CFAP90: variants seen among roughly 807,000 people sequenced by gnomAD.
CFAP90 encodes the protein cilia and flagella associated protein 90, also known as cilia- and flagella-associated protein 90.
chr5:7,837,228 A>G, the CFAP90 span, among the ~76,000 whole-genome samples: 1 of 152,180 alleles, frequency 6.6e-6, no homozygotes, highest in African/African-American at 2.4e-5. Flanking sequence ...TTTTCTGAGT[A>G]CAAAAGAAAA....
the CFAP90 span, among the ~76,000 whole-genome samples, chr5:7,842,943 G>A: frequency 7.9e-5 from 12 of 152,260 alleles, no homozygotes; most frequent in South Asian, 6.2e-4. Context: ...GCACACCGGC[G>A]GTTAAGACTT....
the CFAP90 span, among the ~76,000 whole-genome samples, chr5:7,838,286 T>G: frequency 6.6e-6 from 1 of 151,976 alleles, no homozygotes; most frequent in Non-Finnish European, 1.5e-5. Flanking sequence ...TCACTTTGAC[T>G]ACATACAAAT....
the CFAP90 span, among the ~76,000 whole-genome samples, chr5:7,833,327 A>C: frequency 6.6e-6 from 1 of 152,062 alleles, no homozygotes; most frequent in Non-Finnish European, 1.5e-5. Context: ...ACATGCATAC[A>C]ATATACACAC....
At chr5:7,832,833 C>A in the CFAP90 span, among the ~76,000 whole-genome samples, 1 of 152,334 alleles carries the variant, frequency 6.6e-6, no homozygotes, top group Non-Finnish European at 1.5e-5. Flanking sequence ...AATGGCAGCT[C>A]TGAGAGGGCT....
the CFAP90 span, chr5:7,830,875 A>T: frequency 6.6e-6 from 1 of 152,190 alleles, no homozygotes; most frequent in Non-Finnish European, 1.5e-5. Flanking sequence ...ATTATCTCCA[A>T]AGTAAGTATT....
At chr5:7,840,845 G>A in the CFAP90 span, among the ~76,000 whole-genome samples, 1 of 152,180 alleles carries the variant, frequency 6.6e-6, no homozygotes, top group African/African-American at 2.4e-5. Flanking sequence ...ATTTGGACAT[G>A]AACATTCAGA....
the CFAP90 span, among the ~76,000 whole-genome samples, chr5:7,836,551 A>C: frequency 6.6e-6 from 1 of 152,170 alleles, no homozygotes; most frequent in Non-Finnish European, 1.5e-5. Flanking sequence ...CATACGAGAA[A>C]GGAAGATGGG....
At chr5:7,839,142 G>A in the CFAP90 span, among the ~76,000 whole-genome samples, 4 of 152,212 alleles carry the variant, frequency 2.6e-5, no homozygotes, top group Admixed American at 2.0e-4. Context: ...CAGATCTCAT[G>A]AGACTCATTC....
At chr5:7,831,938 C>T in the CFAP90 span, 63 of 1,614,142 alleles carry the variant, frequency 3.9e-5, no homozygotes, top group Middle Eastern at 3.3e-4. Context: ...ATGGTTGGCA[C>T]GGCCAAAGTC....
At chr5:7,838,869 G>T in the CFAP90 span, among the ~76,000 whole-genome samples, 8 of 152,206 alleles carry the variant, frequency 5.3e-5, no homozygotes, top group South Asian at 8.3e-4. Flanking sequence ...AAGTGGTGTT[G>T]TCTGGTGGCC....
At chr5:7,844,248 A>C in the CFAP90 span, among the ~76,000 whole-genome samples, 2 of 152,224 alleles carry the variant, frequency 1.3e-5, no homozygotes, top group Admixed American at 1.3e-4. Context: ...AGTAGAGAAG[A>C]AACTATAGCC....
the CFAP90 span, chr5:7,850,815 GCC>G: frequency 5.8e-6 from 7 of 1,209,068 alleles, no homozygotes; most frequent in East Asian, 2.0e-4. Flanking sequence ...CAGCCGCCCA[GCC>G]GCCCAGCCGC....
chr5:7,842,821 A>G, the CFAP90 span, among the ~76,000 whole-genome samples: 1 of 152,140 alleles, frequency 6.6e-6, no homozygotes, highest in Non-Finnish European at 1.5e-5. Flanking sequence ...GTATTTGATG[A>G]TTTCTGTGGT....
At chr5:7,840,454 A>G in the CFAP90 span, among the ~76,000 whole-genome samples, 1 of 152,226 alleles carries the variant, frequency 6.6e-6, no homozygotes, top group Non-Finnish European at 1.5e-5. Flanking sequence ...ACAGACTGAG[A>G]AGAGAAATTA....
the CFAP90 span, among the ~76,000 whole-genome samples, chr5:7,839,888 C>T: frequency 6.6e-6 from 1 of 152,204 alleles, no homozygotes. Flanking sequence ...CAGGCAGCCT[C>T]GCTTTGAAAT....
the CFAP90 span, among the ~76,000 whole-genome samples, chr5:7,841,038 C>T: frequency 8.4e-4 from 128 of 152,228 alleles, no homozygotes; most frequent in Middle Eastern, 3.4e-3. Context: ...AAAGAAACTA[C>T]GAACTGCATA....
the CFAP90 span, among the ~76,000 whole-genome samples, chr5:7,838,936 G>A: frequency 6.6e-6 from 1 of 152,156 alleles, no homozygotes; most frequent in Non-Finnish European, 1.5e-5. Context: ...CAGTGTATTA[G>A]TCTGTTTTCA....
At chr5:7,832,017 G>C in the CFAP90 span, 6 of 1,609,556 alleles carry the variant, frequency 3.7e-6, no homozygotes, top group Admixed American at 1.0e-4. Flanking sequence ...ACTCCAACCG[G>C]CCTCTCCTGT....
the CFAP90 span, among the ~76,000 whole-genome samples, chr5:7,843,744 G>A: frequency 1.3e-5 from 2 of 152,166 alleles, no homozygotes; most frequent in African/African-American, 4.8e-5. Flanking sequence ...CTTGGTCAAA[G>A]TTATTGGGAA....
Sources: allele counts gnomAD v4.1 joint callset (sites outside exome capture counted in the v4.1 genomes callset), GRCh38; gene constraint gnomAD v4.1.1; transcripts MANE v1.5; gene names NCBI Gene and HGNC (gene_info 2026-07-23, HGNC 2026-07-21).